ADRA1A: variants seen among roughly 807,000 people sequenced by gnomAD.
The protein encoded by ADRA1A is adrenoceptor alpha 1A, also known as alpha-1A adrenergic receptor.
ADRA1A carries 31 observed loss-of-function variants against 29.6 expected under a neutral mutation model. The observed-to-expected ratio is 1.05, with a 90% CI of 0.79 to 1.41. ADRA1A has a LOEUF of 1.41. Among genes scored for constraint, ADRA1A ranks in the 40% most tolerant of loss-of-function variants. ADRA1A has a pLI of 0.00. For synonymous variants in ADRA1A, 311 were observed against 254.3 expected (o/e 1.22, Z -2.12); for missense variants, 619 against 601.1 (o/e 1.03, Z -0.31).
intron 2 of ADRA1A, among the ~76,000 whole-genome samples, chr8:26,801,257 G>A (rs1808555997): frequency 6.6e-6 from 1 of 152,014 alleles, no homozygotes; most frequent in African/African-American, 2.4e-5. Context: ...ATTTAACATG[G>A]TACTGGGAGT....
At chr8:26,842,299 A>G (rs1048341196) in intron 2 of ADRA1A, among the ~76,000 whole-genome samples, 3 of 152,190 alleles carry the variant, frequency 2.0e-5, no homozygotes, top group African/African-American at 7.2e-5. Flanking sequence ...AGGCTACCAT[A>G]TTGGACAGCA....
chr8:26,850,692 T>C (rs1043913589), intron 2 of ADRA1A, among the ~76,000 whole-genome samples: 2 of 152,154 alleles, frequency 1.3e-5, no homozygotes, highest in African/African-American at 4.8e-5. Context: ...GGGTTTCACC[T>C]TGTTGGCTAG....
intron 2 of ADRA1A, among the ~76,000 whole-genome samples, chr8:26,811,762 A>G (rs62492229): frequency 0.1 from 15,168 of 152,220 alleles, 1,198 homozygotes; most frequent in East Asian, 0.34. Flanking sequence ...GGTAACAACT[A>G]TTCCAATCTC....
intron 2 of ADRA1A, among the ~76,000 whole-genome samples, chr8:26,834,920 C>T (rs147383212): frequency 6.6e-6 from 1 of 152,272 alleles, no homozygotes; most frequent in African/African-American, 2.4e-5. Flanking sequence ...GCTCTCAAAT[C>T]ATCGTGTAAA....
intron 2 of ADRA1A, among the ~76,000 whole-genome samples, chr8:26,832,684 A>T (rs1180596403): frequency 6.6e-6 from 1 of 152,160 alleles, no homozygotes; most frequent in Non-Finnish European, 1.5e-5. Context: ...GCAGGGAAGT[A>T]GACTGAGAAA....
At chr8:26,782,461 G>A (rs1468084946) in intron 2 of ADRA1A, among the ~76,000 whole-genome samples, 3 of 152,140 alleles carry the variant, frequency 2.0e-5, no homozygotes, top group African/African-American at 4.8e-5. Flanking sequence ...ATTTTAAAAG[G>A]CAATAGAGTA....
chr8:26,757,153 G>A (rs1357000583), intron 2 of ADRA1A: 17 of 701,546 alleles, frequency 2.4e-5, no homozygotes, highest in Non-Finnish European at 2.6e-6. Flanking sequence ...TTTATATAAA[G>A]CAGAGTTGGG....
chr8:26,755,269 A>G (rs1045376402), downstream of ADRA1A, among the ~76,000 whole-genome samples: 1 of 151,930 alleles, frequency 6.6e-6, no homozygotes, highest in Admixed American at 6.6e-5. Flanking sequence ...GAATCACGCA[A>G]CTGGGAAACC....
At chr8:26,788,995 A>G (rs954024858) in intron 2 of ADRA1A, among the ~76,000 whole-genome samples, 1 of 152,150 alleles carries the variant, frequency 6.6e-6, no homozygotes, top group Admixed American at 6.5e-5. Context: ...CACATTTGTT[A>G]CACAGACATA....
chr8:26,784,837 C>A (rs1021088496), intron 2 of ADRA1A, among the ~76,000 whole-genome samples: 4 of 152,166 alleles, frequency 2.6e-5, no homozygotes, highest in Non-Finnish European at 4.4e-5. Flanking sequence ...GGTCAGAGCT[C>A]TAACCGATGG....
chr8:26,798,914 T>A (rs558781194), intron 2 of ADRA1A, among the ~76,000 whole-genome samples: 1 of 152,198 alleles, frequency 6.6e-6, no homozygotes, highest in South Asian at 2.1e-4. Flanking sequence ...CATTTCTTTC[T>A]TTTTTCTCTC....
intron 2 of ADRA1A, among the ~76,000 whole-genome samples, chr8:26,790,470 G>A (rs188492279): frequency 6.6e-6 from 1 of 152,076 alleles, no homozygotes; most frequent in Non-Finnish European, 1.5e-5. Context: ...CGTGGGGAGG[G>A]GGATAGGGAG....
intron 2 of ADRA1A, among the ~76,000 whole-genome samples, chr8:26,800,753 A>G (rs1451710556): frequency 6.6e-6 from 1 of 152,162 alleles, no homozygotes; most frequent in East Asian, 1.9e-4. Flanking sequence ...CCAAATACTC[A>G]TTGTATGGGG....
chr8:26,856,035 A>G (rs1000072785), intron 2 of ADRA1A, among the ~76,000 whole-genome samples: 1 of 152,212 alleles, frequency 6.6e-6, no homozygotes, highest in African/African-American at 2.4e-5. Context: ...TGTTCAAAGC[A>G]TTGTTAGAGC....
At chr8:26,753,163 C>T (rs1471334511), downstream of ADRA1A, among the ~76,000 whole-genome samples, 1 of 152,192 alleles carries the variant, frequency 6.6e-6, no homozygotes, top group Non-Finnish European at 1.5e-5. Context: ...AGAAGAACCT[C>T]CATCAAAGAA....
At chr8:26,779,627 G>A (rs1319853162) in intron 2 of ADRA1A, among the ~76,000 whole-genome samples, 1 of 152,122 alleles carries the variant, frequency 6.6e-6, no homozygotes, top group East Asian at 1.9e-4. Context: ...TGAGGTTTTG[G>A]GGAAGGCTTT....
Position 26,864,227 on chromosome 8 carries a change from A to G in ADRA1A, c.743T>C (p.Met248Thr), listed in dbSNP as rs775965765. ...RKNAPAGGSG[M>T]ASAKTKTHFS... ...GTGCGTCTTGGTCTTGGCGCTGGCC[A>G]TCCCGCTGCCTCCTGCCGGGGCGTT... The change falls in exon 2 of 3, where the codon ATG (methionine) becomes ACG (threonine). Residue 248 changes from methionine to threonine, a missense_variant. By Grantham distance (81) the Met-to-Thr change is moderately conservative. Transcript: ENST00000380573. This position sits in a 1 kb window ranked among gnomAD's most constrained non-coding sequence, Gnocchi z 8.1. 2.8e-5 allele frequency: 45 copies of G among 1,614,096 alleles called. No individual in the cohort carries two copies. The highest frequency in any genetic ancestry group is 3.8e-5 in the Non-Finnish European group (45 of 1,180,048).
chr8:26,825,488 G>A lies in ADRA1A; in HGVS notation c.883+38599C>T, dbSNP rs577650102. Among the ~76,000 whole-genome samples, 3 of 152,148 alleles carry A rather than the reference G, an allele frequency of 2.0e-5. No homozygotes were observed. Among genetic ancestry groups the A allele is most frequent in the Admixed American group, 6.5e-5 (1 of 15,280 alleles). On this transcript the variant is annotated intron_variant, in intron 2 of 2. Transcript: ENST00000380573. This position sits in a 1 kb window ranked among gnomAD's most constrained non-coding sequence, Gnocchi z 5.7. ...CCAGGAACACTTTTCACTGGTCATC[G>A]TGGGGCTTCTCATCCCCTAAAGGCC...
In ADRA1A at chr8:26,806,850, GGAGGGGGCTGGCATCTGT is replaced by G. The variant is rs1269686982; in HGVS notation, c.884-36202_884-36185del. On this transcript the variant is annotated intron_variant, in intron 2 of 2. Coordinates refer to ENST00000380573, the MANE Select transcript of ADRA1A (RefSeq NM_000680.4). The surrounding 1 kb of genome is among the most constrained non-coding windows in gnomAD (Gnocchi z 4.6). Reference sequence around the variant, plus strand: ...ACCCTCAGCTTCCCAGAGTGGGTGGGGAGGGGGCTGGCATCTGTGATAATGAGAGAAGATGCCTAGAGG... The same window carrying G: ...ACCCTCAGCTTCCCAGAGTGGGTGGGGATAATGAGAGAAGATGCCTAGAGG... 1.7e-4 allele frequency among the ~76,000 whole-genome samples: 26 copies of G among 152,188 alleles called. No homozygotes were observed. The highest frequency in any genetic ancestry group is 1.7e-3 in the Admixed American group (26 of 15,272).
Sources: allele counts gnomAD v4.1 joint callset (sites outside exome capture counted in the v4.1 genomes callset), GRCh38; gene constraint gnomAD v4.1.1; non-coding constraint Gnocchi (gnomAD v3.1); transcripts MANE v1.5; gene names NCBI Gene and HGNC (gene_info 2026-07-23, HGNC 2026-07-21).